Variants in PTPRO observed in about 807,000 individuals in gnomAD.
The protein encoded by PTPRO is receptor-type tyrosine-protein phosphatase O.
A neutral mutation model predicts 145.2 loss-of-function variants in PTPRO; 62 were observed. The ratio of observed to expected loss-of-function variants is 0.43; its 90% CI spans 0.35 to 0.53. The LOEUF is 0.53. PTPRO is among the 20% of genes least tolerant of loss of function. The pLI is 0.01. For missense variants in PTPRO, 1,345 were observed against 1,482.7 expected (o/e 0.91, Z 1.53); for synonymous variants, 565 against 514.7 (o/e 1.10, Z -1.32).
At chr12:15,391,733 G>T (rs1939194206) in intron 1 of PTPRO, among the ~76,000 whole-genome samples, 2 of 152,144 alleles carry the variant, frequency 1.3e-5, no homozygotes, top group Non-Finnish European at 2.9e-5. Context: ...CAGAGTAAAG[G>T]TTCCACTTTG....
At position 15,597,830 on chromosome 12, in the gene PTPRO, T is replaced by C. The variant is rs1944688970; in HGVS notation, c.*1757T>C. Among the ~76,000 whole-genome samples, 1 of 152,176 alleles carries C rather than the reference T, an allele frequency of 6.6e-6. No homozygotes were observed. The highest frequency in any genetic ancestry group is 1.5e-5 in the Non-Finnish European group (1 of 68,042). ...TCCCTTTTTGGACATTTTAATAATG[T>C]GTCGCACCATTCTCAGGAACAAACA... On this transcript the variant is annotated 3_prime_UTR_variant, in exon 27 of 27. Transcript: ENST00000281171.
At chr12:15,550,108 T>G (rs1943414820) in intron 14 of PTPRO, among the ~76,000 whole-genome samples, 1 of 152,156 alleles carries the variant, frequency 6.6e-6, no homozygotes, top group African/African-American at 2.4e-5. Flanking sequence ...ATGTATAATT[T>G]TTGACTCCCT....
At chr12:15,492,549 A>G (rs1442513225) in intron 2 of PTPRO, among the ~76,000 whole-genome samples, 1 of 152,100 alleles carries the variant, frequency 6.6e-6, no homozygotes, top group East Asian at 1.9e-4. Flanking sequence ...CTCAAAAAAA[A>G]TTTGCAGAAA....
intron 2 of PTPRO, among the ~76,000 whole-genome samples, chr12:15,486,014 G>T (rs1464587348): frequency 6.6e-6 from 1 of 152,078 alleles, no homozygotes; most frequent in East Asian, 1.9e-4. Flanking sequence ...TGTGTATTCT[G>T]TGAGCACTTC....
intron 16 of PTPRO, 102 bp downstream of exon 16, chr12:15,557,625 CTT>C: frequency 5.6e-6 from 6 of 1,068,524 alleles, no homozygotes; most frequent in Non-Finnish European, 8.7e-6. Flanking sequence ...TCTGATTATC[CTT>C]TTGTAATTTC....
At chr12:15,331,946 TTGTTTC>T (rs1866620086) in intron 1 of PTPRO, among the ~76,000 whole-genome samples, 2 of 150,822 alleles carry the variant, frequency 1.3e-5, no homozygotes, top group African/African-American at 4.9e-5. Flanking sequence ...AGTATCCTTT[TTGTTTC>T]TCTTTCTTTC....
At chr12:15,330,347 T>C (rs1003015140) in intron 1 of PTPRO, among the ~76,000 whole-genome samples, 4 of 152,190 alleles carry the variant, frequency 2.6e-5, no homozygotes, top group African/African-American at 9.7e-5. Context: ...GAGCAAGATG[T>C]AGGGTAATTT....
chr12:15,470,962 T>G (rs990586827), intron 1 of PTPRO, among the ~76,000 whole-genome samples: 1 of 152,168 alleles, frequency 6.6e-6, no homozygotes, highest in African/African-American at 2.4e-5. Context: ...TCTTAAACAG[T>G]GCATGTACCC....
chr12:15,559,413 G>C (rs1202037594), intron 16 of PTPRO, among the ~76,000 whole-genome samples: 1 of 152,112 alleles, frequency 6.6e-6, no homozygotes, highest in African/African-American at 2.4e-5. Flanking sequence ...GCAGTCACAG[G>C]ATATTTTAAA....
chr12:15,436,164 A>G (rs1940590017), intron 1 of PTPRO, among the ~76,000 whole-genome samples: 3 of 152,236 alleles, frequency 2.0e-5, no homozygotes, highest in African/African-American at 4.8e-5. Context: ...CATGCCCACA[A>G]GAGAAAGCAG....
intron 10 of PTPRO, among the ~76,000 whole-genome samples, chr12:15,521,447 A>G (rs976011960): frequency 6.6e-6 from 1 of 152,204 alleles, no homozygotes; most frequent in African/African-American, 2.4e-5. Context: ...ATAATCACAT[A>G]TTTAATTATA....
At chr12:15,573,811 G>A (rs1342093313) in intron 19 of PTPRO, among the ~76,000 whole-genome samples, 2 of 152,176 alleles carry the variant, frequency 1.3e-5, no homozygotes, top group African/African-American at 4.8e-5. Flanking sequence ...TTTCATAGAA[G>A]TAGTGTGCTC....
At position 15,322,735 on chromosome 12, in the gene PTPRO, C is replaced by T. The variant is rs769779448; in HGVS notation, c.9C>T (p.His3=). 1.9e-6 allele frequency: 3 copies of T among 1,612,042 alleles called. No homozygotes were observed. The highest frequency in any genetic ancestry group is 2.5e-6 in the Non-Finnish European group (3 of 1,179,288). The change falls in exon 1 of 27, where the codon CAC becomes CAT. Residue 3 remains histidine (H), a synonymous_variant. Coordinates refer to ENST00000281171, the MANE Select transcript of PTPRO (RefSeq NM_030667.3). The surrounding 1 kb of genome is among the most constrained non-coding windows in gnomAD (Gnocchi z 6.3). MG[H]LPTGIHGARR... ...TCCCCGTCCGCGCAGCGATGGGGCA[C>T]CTGCCCACGGGGATACACGGCGCCC...
At chr12:15,575,887 G>A (rs1000055993) in intron 19 of PTPRO, among the ~76,000 whole-genome samples, 9 of 152,098 alleles carry the variant, frequency 5.9e-5, no homozygotes, top group African/African-American at 2.2e-4. Flanking sequence ...ATCTTTACAT[G>A]CCTTTTCCTC....
intron 1 of PTPRO, among the ~76,000 whole-genome samples, chr12:15,323,268 G>A (rs372313112): frequency 6.6e-6 from 1 of 152,130 alleles, no homozygotes; most frequent in Non-Finnish European, 1.5e-5. Context: ...CAAATGGACT[G>A]CCAGGGCTAC....
chr12:15,440,152 C>T, intron 1 of PTPRO: 1 of 663,412 alleles, frequency 1.5e-6, no homozygotes, highest in Non-Finnish European at 2.7e-6. Context: ...CCCCTGTGCC[C>T]AAGAAGCTGC....
chr12:15,536,752 A>G (rs1943073823), intron 12 of PTPRO, among the ~76,000 whole-genome samples: 1 of 152,202 alleles, frequency 6.6e-6, no homozygotes, highest in Non-Finnish European at 1.5e-5. Context: ...TGCAACTCTT[A>G]TGGATTATTT....
At chr12:15,395,372 T>A (rs1176654634) in intron 1 of PTPRO, among the ~76,000 whole-genome samples, 1 of 152,188 alleles carries the variant, frequency 6.6e-6, no homozygotes, top group East Asian at 1.9e-4. Flanking sequence ...TTTGTGGTTG[T>A]TCCTGCTGCT....
intron 1 of PTPRO, among the ~76,000 whole-genome samples, chr12:15,464,385 C>T (rs1941368681): frequency 6.9e-6 from 1 of 145,014 alleles, no homozygotes; most frequent in African/African-American, 2.5e-5. Context: ...GACTGAGTCT[C>T]ACTCTGTCAC....
Sources: gnomAD v4.1 joint callset for allele counts (sites outside exome capture counted in the v4.1 genomes callset) on GRCh38, gnomAD v4.1.1 for gene constraint, Gnocchi (gnomAD v3.1) non-coding constraint, MANE v1.5 for transcripts, NCBI Gene and HGNC (gene_info 2026-07-23, HGNC 2026-07-21) for gene names.